The following FAAH2 variants were observed in gnomAD, a reference collection of about 807,000 sequenced individuals.
FAAH2 encodes fatty acid amide hydrolase 2.
A neutral mutation model predicts 36.9 loss-of-function variants in FAAH2; 60 were observed. That is an observed-to-expected ratio of 1.63 (90% CI 1.32 to 2.02). The LOEUF is 2.02. Ranked by LOEUF, FAAH2 falls within the 30% of genes most tolerant of loss-of-function variation. The probability of loss-of-function intolerance (pLI) is 0.00; values close to 1 mark genes in which losing one functional copy is unlikely to be tolerated. For missense variants in FAAH2, 689 were observed against 397.5 expected, an observed-to-expected ratio of 1.73 and a Z score of -6.23; for synonymous variants, 214 against 143.8, an observed-to-expected ratio of 1.49 and a Z score of -3.49.
Position 57,378,769 on chromosome X carries a change from A to G in FAAH2, c.861A>G (p.Ala287=), listed in dbSNP as rs758275203. 2.5e-6 allele frequency: 3 copies of G among 1,209,435 alleles called. No homozygotes were observed. The highest frequency in any genetic ancestry group is 3.5e-5 in the African/African-American group (2 of 57,636). Residue 287 remains alanine (A), a synonymous_variant, in exon 6 of 11, where the codon GCA becomes GCG. Coordinates refer to ENST00000374900, the MANE Select transcript of FAAH2 (RefSeq NM_174912.4). ...EDLAPMLKVM[A]GPGIKRLKLD... is the part of the protein sequence containing the mutation. Reference sequence around the variant, plus strand: ...TGGCCCCCATGTTGAAGGTCATGGCAGGACCTGGGATCAAAAGGTATGTTC... The same window carrying G: ...TGGCCCCCATGTTGAAGGTCATGGCGGGACCTGGGATCAAAAGGTATGTTC...
At chrX:57,181,700 A>G in the FAAH2 span, among the ~76,000 whole-genome samples, 51 of 111,897 alleles carry the variant, frequency 4.6e-4, 1 homozygote, top group Admixed American at 4.8e-3. Context: ...ACTACCAATG[A>G]CATTCTTCAC....
chrX:57,291,784 A>G (rs978856945), intron 1 of FAAH2, among the ~76,000 whole-genome samples: 2 of 111,014 alleles, frequency 1.8e-5, no homozygotes, highest in African/African-American at 6.5e-5. Flanking sequence ...GTATATAATA[A>G]TTAAATTATA....
the FAAH2 span, among the ~76,000 whole-genome samples, chrX:57,264,051 A>G: frequency 8.9e-6 from 1 of 112,256 alleles, no homozygotes; most frequent in Non-Finnish European, 1.9e-5. Context: ...AATACTAAAC[A>G]TAAACCCCAC....
In FAAH2 at chrX:57,292,538, T is replaced by C. The variant is rs1160543178; in HGVS notation, c.233T>C (p.Ile78Thr). The change falls in exon 2 of 11, where the codon ATC (isoleucine) becomes ACC (threonine). Residue 78 changes from isoleucine (I) to threonine (T), a missense_variant. By Grantham distance (89) the Ile-to-Thr change is moderately conservative. Coordinates refer to ENST00000374900, the MANE Select transcript of FAAH2 (RefSeq NM_174912.4). The part of the protein sequence containing the change: ...IDVVQAYINR[I>T]KDVNPMINGI... Reference sequence around the variant, plus strand: ...GTTGTTCAGGCTTATATCAACAGAATCAAGGACGTGAACCCAATGATCAAT... The same window carrying C: ...GTTGTTCAGGCTTATATCAACAGAACCAAGGACGTGAACCCAATGATCAAT... 2 of 1,208,771 alleles carry C rather than the reference T, an allele frequency of 1.7e-6. No homozygotes were observed. The highest frequency in any genetic ancestry group is 1.7e-5 in the African/African-American group (1 of 57,186).
chrX:57,421,590 A>G (rs2056029069), intron 7 of FAAH2, among the ~76,000 whole-genome samples: 1 of 111,607 alleles, frequency 9.0e-6, no homozygotes, highest in Admixed American at 9.6e-5. Flanking sequence ...TCTTCTTCTT[A>G]TAAGGCCACA....
At chrX:57,271,565 A>G in the FAAH2 span, among the ~76,000 whole-genome samples, 1 of 112,384 alleles carries the variant, frequency 8.9e-6, no homozygotes, top group Non-Finnish European at 1.9e-5. Context: ...TTCCAGAGGA[A>G]AGAACAGACA....
At chrX:57,166,502 C>T in the FAAH2 span, among the ~76,000 whole-genome samples, 5 of 111,944 alleles carry the variant, frequency 4.5e-5, no homozygotes, top group Admixed American at 1.9e-4. Flanking sequence ...CACTAGGGCA[C>T]CAAAGAAGTA....
chrX:57,473,183 T>G (rs2057201625), intron 10 of FAAH2, among the ~76,000 whole-genome samples: 1 of 111,523 alleles, frequency 9.0e-6, no homozygotes, highest in Admixed American at 9.6e-5. Flanking sequence ...TAAACTTTCG[T>G]TTTAGCACTT....
the FAAH2 span, among the ~76,000 whole-genome samples, chrX:57,242,155 C>T: frequency 8.9e-6 from 1 of 112,382 alleles, no homozygotes. Context: ...CCGTGCCTCC[C>T]GACTGGGAGA....
intron 7 of FAAH2, among the ~76,000 whole-genome samples, chrX:57,389,529 C>T (rs774749621): frequency 1.8e-5 from 2 of 109,133 alleles, no homozygotes; most frequent in South Asian, 3.9e-4. Flanking sequence ...TCAGGTCCAT[C>T]TATATTGTTG....
At chrX:57,479,625 G>C (rs956938687) in intron 10 of FAAH2, among the ~76,000 whole-genome samples, 9 of 111,518 alleles carry the variant, frequency 8.1e-5, no homozygotes, top group African/African-American at 2.9e-4. Flanking sequence ...CTGTGGGTTT[G>C]TCATAGATAG....
the FAAH2 span, among the ~76,000 whole-genome samples, chrX:57,265,115 G>A: frequency 3.6e-5 from 4 of 111,350 alleles, no homozygotes; most frequent in Non-Finnish European, 7.5e-5. Flanking sequence ...CTTTGGGTCA[G>A]GTGGTCCCCT....
intron 2 of FAAH2, among the ~76,000 whole-genome samples, chrX:57,306,900 A>ATATATAGTAC (rs1569245471): frequency 1.2e-5 from 1 of 86,068 alleles, no homozygotes; most frequent in East Asian, 3.5e-4. Flanking sequence ...CCATATATAC[A>ATATATAGTAC]TATATAGTAC....
intron 10 of FAAH2, among the ~76,000 whole-genome samples, chrX:57,457,700 C>CAAAAAAAAAAAA (rs142534517): frequency 2.3e-5 from 2 of 86,356 alleles, no homozygotes; most frequent in Non-Finnish European, 4.4e-5. Flanking sequence ...ACAATAGCCA[C>CAAAAAAAAAAAA]AAAAAAAAAA....
chrX:57,251,130 C>T, the FAAH2 span, among the ~76,000 whole-genome samples: 1 of 111,543 alleles, frequency 9.0e-6, no homozygotes, highest in South Asian at 3.7e-4. Flanking sequence ...AATTCAAATG[C>T]ATATTAAAAG....
chrX:57,206,979 C>T, the FAAH2 span, among the ~76,000 whole-genome samples: 1 of 111,616 alleles, frequency 9.0e-6, no homozygotes, highest in African/African-American at 3.3e-5. Flanking sequence ...TCATTCTATG[C>T]AAATTGGCTT....
intron 6 of FAAH2, among the ~76,000 whole-genome samples, chrX:57,379,733 A>T (rs1002366859): frequency 1.8e-5 from 2 of 109,925 alleles, no homozygotes; most frequent in African/African-American, 6.6e-5. Flanking sequence ...TTAACTCTAA[A>T]TTCTCACATT....
the FAAH2 span, among the ~76,000 whole-genome samples, chrX:57,237,506 T>G: frequency 2.7e-5 from 3 of 110,917 alleles, no homozygotes; most frequent in Admixed American, 2.9e-4. Flanking sequence ...GTAATTTTAG[T>G]TAATATTGAT....
intron 10 of FAAH2, among the ~76,000 whole-genome samples, chrX:57,454,934 T>C (rs946594353): frequency 1.8e-5 from 2 of 111,021 alleles, no homozygotes; most frequent in South Asian, 7.6e-4. Context: ...GACATACAAA[T>C]TCAATAAATA....
Sources: allele counts gnomAD v4.1 joint callset (sites outside exome capture counted in the v4.1 genomes callset), GRCh38; gene constraint gnomAD v4.1.1; transcripts MANE v1.5; gene names NCBI Gene and HGNC (gene_info 2026-07-23, HGNC 2026-07-21).